The following SPATA1 variants were observed in gnomAD, a reference collection of about 807,000 sequenced individuals.
SPATA1 encodes the protein spermatogenesis associated 1.
SPATA1 carries 57 observed loss-of-function variants against 59.6 expected under a neutral mutation model. The ratio of observed to expected loss-of-function variants is 0.96; its 90% CI spans 0.77 to 1.19. The LOEUF is 1.19. Among genes scored for constraint, SPATA1 ranks in the 50% most tolerant of loss-of-function variants. The pLI is 0.00. For missense variants in SPATA1, 448 were observed against 480.7 expected (o/e 0.93, Z 0.64); for synonymous variants, 147 against 163.9 (o/e 0.90, Z 0.79).
chr1:84,516,350 A>C, exon 2 of SPATA1: 1 of 1,525,718 alleles, frequency 6.6e-7, no homozygotes, highest in Non-Finnish European at 8.8e-7. Context: ...CCATTCAGAC[A>C]TTAGTGAATA....
At chr1:84,558,168 T>G (rs1390009136), downstream of SPATA1, among the ~76,000 whole-genome samples, 1 of 152,182 alleles carries the variant, frequency 6.6e-6, no homozygotes, top group Non-Finnish European at 1.5e-5. Context: ...TCTTACCATT[T>G]AAAAAATGGT....
chr1:84,535,856 G>A (rs1369064968), intron 8 of SPATA1, among the ~76,000 whole-genome samples: 2 of 152,122 alleles, frequency 1.3e-5, no homozygotes, highest in Non-Finnish European at 2.9e-5. Context: ...AAGTTGTAAT[G>A]GCAATAATAA....
At chr1:84,555,455 TG>T, downstream of SPATA1, among the ~76,000 whole-genome samples, 1 of 152,382 alleles carries the variant, frequency 6.6e-6, no homozygotes, top group South Asian at 2.1e-4. Context: ...GACTTTACGA[TG>T]GATTTATCAG....
At chr1:84,552,837 C>T in intron 12 of SPATA1, 1 of 489,190 alleles carries the variant, frequency 2.0e-6, no homozygotes. Flanking sequence ...CATATCTCAC[C>T]AGTAGATAAG....
chr1:84,548,339 T>C (rs985867615), intron 10 of SPATA1, among the ~76,000 whole-genome samples: 19 of 151,400 alleles, frequency 1.3e-4, no homozygotes, highest in Non-Finnish European at 1.2e-4. Flanking sequence ...TTTCTAATGA[T>C]TAATTTTGGA....
intron 1 of SPATA1, among the ~76,000 whole-genome samples, chr1:84,509,359 A>G (rs1056888318): frequency 3.9e-5 from 6 of 152,246 alleles, no homozygotes; most frequent in Non-Finnish European, 8.8e-5. Flanking sequence ...GGAAAACTGA[A>G]TATCCGTATT....
At chr1:84,565,443 A>G (rs904696801) in intron 4 of SPATA1, among the ~76,000 whole-genome samples, 20 of 152,204 alleles carry the variant, frequency 1.3e-4, no homozygotes, top group Admixed American at 3.9e-4. Flanking sequence ...TATCTTTGCT[A>G]TTATTTAACA....
chr1:84,517,074 AC>A (rs1305692950), intron 2 of SPATA1, among the ~76,000 whole-genome samples: 1 of 152,058 alleles, frequency 6.6e-6, no homozygotes, highest in Non-Finnish European at 1.5e-5. Context: ...CATTAAATTC[AC>A]CTTTCATTAC....
intron 10 of SPATA1, among the ~76,000 whole-genome samples, 151 bp downstream of exon 10, chr1:84,545,910 C>T (rs946320468): frequency 3.9e-5 from 6 of 152,056 alleles, no homozygotes; most frequent in African/African-American, 1.4e-4. Context: ...ATATAGAAAA[C>T]ATGAAATTAT....
rs553432041 is a variant in SPATA1 at position 84,509,331 on chromosome 1, C to T, written c.-138+2913C>T. Among the ~76,000 whole-genome samples the T allele has an allele frequency of 1.1e-4, 16 of 152,292 alleles. No individual in the cohort carries two copies. The South Asian group carries it at 3.3e-3, about 32-fold the overall frequency. ...ACATACATTGGAGAAAGGACAGTCC[C>T]TCCAATAAATGGTGCTGGGAAAACT... On this transcript the variant is annotated intron_variant, in intron 1 of 12. Transcript: ENST00000490879.
At chr1:84,514,000 C>A (rs1203090911) in intron 1 of SPATA1, among the ~76,000 whole-genome samples, 1 of 151,988 alleles carries the variant, frequency 6.6e-6, no homozygotes, top group Non-Finnish European at 1.5e-5. Flanking sequence ...CACCACCACA[C>A]CTGGCTCATT....
chr1:84,530,259 C>T (rs984300762), intron 6 of SPATA1, among the ~76,000 whole-genome samples: 7 of 152,260 alleles, frequency 4.6e-5, no homozygotes, highest in Admixed American at 2.6e-4. Flanking sequence ...TTGTTTAGTA[C>T]CTATCTCCAG....
At chr1:84,555,186 T>C (rs1258539451), downstream of SPATA1, 2 of 1,612,826 alleles carry the variant, frequency 1.2e-6, no homozygotes, top group South Asian at 1.1e-5. Flanking sequence ...TTGATGAAAG[T>C]GGCCAGCAGG....
chr1:84,523,658 T>A (rs1570406081), intron 4 of SPATA1, among the ~76,000 whole-genome samples: 1 of 152,258 alleles, frequency 6.6e-6, no homozygotes, highest in East Asian at 1.9e-4. Context: ...CTACTATAAT[T>A]TGCTGTGTGA....
At chr1:84,516,846 A>G (rs773077001) in intron 2 of SPATA1, among the ~76,000 whole-genome samples, 1 of 152,122 alleles carries the variant, frequency 6.6e-6, no homozygotes, top group African/African-American at 2.4e-5. Context: ...AATGTATACC[A>G]TCGTAAGTAC....
At chr1:84,562,796 G>T (rs911376416) in intron 4 of SPATA1, among the ~76,000 whole-genome samples, 4 of 152,112 alleles carry the variant, frequency 2.6e-5, no homozygotes, top group Non-Finnish European at 5.9e-5. Flanking sequence ...AATTGAAAAT[G>T]ATAGTTTTTC....
intron 1 of SPATA1, among the ~76,000 whole-genome samples, chr1:84,508,155 ACCCAGGAGTCCCAGCTG>A (rs1383955284): frequency 6.6e-6 from 1 of 151,948 alleles, no homozygotes; most frequent in African/African-American, 2.4e-5. Context: ...GGTGCGCGCC[ACCCAGGAGTCCCAGCTG>A]CCCAGGAGGC....
intron 8 of SPATA1, among the ~76,000 whole-genome samples, chr1:84,543,359 T>A (rs1683975973): frequency 6.6e-6 from 1 of 152,158 alleles, no homozygotes; most frequent in South Asian, 2.1e-4. Flanking sequence ...CTATAAAAAA[T>A]ACCTGAGACT....
rs540535505 is a variant in SPATA1, at chr1:84,532,304, T to C, written c.545-556T>C. 7.9e-4 allele frequency among the ~76,000 whole-genome samples: 121 copies of C among 152,318 alleles called. 1 individual carries two copies. Among genetic ancestry groups the C allele is most frequent in the Non-Finnish European group, 1.4e-3 (92 of 68,038 alleles). ...TGAGGTCAGGAGTTCAAGACAAGCC[T>C]TGCCAACCTGGTGAAACCCTGTCTA... On this transcript the variant is annotated intron_variant, in intron 6 of 12. Coordinates refer to ENST00000490879, the Ensembl canonical transcript of SPATA1.
Sources: allele counts gnomAD v4.1 joint callset (sites outside exome capture counted in the v4.1 genomes callset), GRCh38; gene constraint gnomAD v4.1.1; transcripts MANE v1.5; gene names NCBI Gene and HGNC (gene_info 2026-07-23, HGNC 2026-07-21).